Variants in DACH1 observed in about 807,000 individuals in gnomAD.
The protein encoded by DACH1 is dachshund family transcription factor 1.
DACH1 carries 12 observed loss-of-function variants against 54.2 expected under a neutral mutation model. The ratio of observed to expected loss-of-function variants is 0.22; its 90% CI spans 0.14 to 0.36. DACH1 has a LOEUF of 0.36. DACH1 is among the 10% of genes least tolerant of loss of function. DACH1 has a pLI of 1.00. For missense variants in DACH1, 805 were observed against 929.8 expected, an observed-to-expected ratio of 0.87 and a Z score of 1.75; for synonymous variants, 386 against 366.2, an observed-to-expected ratio of 1.05 and a Z score of -0.62.
At chr13:71,591,759 G>C (rs1449684573) in intron 3 of DACH1, among the ~76,000 whole-genome samples, 1 of 152,098 alleles carries the variant, frequency 6.6e-6, no homozygotes, top group African/African-American at 2.4e-5. Flanking sequence ...AAATACTGTA[G>C]TATCTGATGA....
chr13:71,479,426 C>A, intron 7 of DACH1, 110 bp from the exon 8 acceptor site: 1 of 1,044,010 alleles, frequency 9.6e-7, no homozygotes, highest in Non-Finnish European at 1.4e-6. Context: ...TGACCTAATT[C>A]TTTCGCATTC....
At chr13:71,779,218 C>T (rs57382977) in intron 1 of DACH1, among the ~76,000 whole-genome samples, 14 of 80,308 alleles carry the variant, frequency 1.7e-4, no homozygotes, top group Admixed American at 1.4e-3. Context: ...TATATATATA[C>T]GTATATACGT....
chr13:71,488,990 G>C lies in DACH1; in HGVS notation c.1722+7C>G, dbSNP rs764561395. 2.5e-6 allele frequency: 4 copies of C among 1,610,556 alleles called. No homozygotes were observed. The highest frequency in any genetic ancestry group is 1.3e-5 in the African/African-American group (1 of 74,572). On this transcript the variant is annotated splice_region_variant and intron_variant, in intron 7 of 10. Coordinates refer to ENST00000613252, the MANE Select transcript of DACH1 (RefSeq NM_080759.6). ...ATGTCTTTCTTCCAGGTTGTAAAAA[G>C]GCCTACCTGTATGTTAGTCAGAAGA...
intron 6 of DACH1, among the ~76,000 whole-genome samples, chr13:71,555,469 G>A (rs971273528): frequency 6.6e-6 from 1 of 151,038 alleles, no homozygotes; most frequent in Non-Finnish European, 1.5e-5. Flanking sequence ...TCAGCCTCCC[G>A]AGTAGTTGGG....
chr13:71,461,653 A>G (rs866519949), intron 10 of DACH1, among the ~76,000 whole-genome samples: 4 of 151,934 alleles, frequency 2.6e-5, no homozygotes, highest in African/African-American at 7.2e-5. Context: ...CATTCTTGCT[A>G]TCTTACATTT....
In DACH1 at chr13:71,475,284, T is replaced by G. The variant is rs958819887; in HGVS notation, c.2015-75A>C. 5.8e-6 allele frequency: 7 copies of G among 1,214,862 alleles called. No individual in the cohort carries two copies. In the African/African-American group the frequency reaches 1.1e-4, roughly 18 times the overall value. The allele number at this position is 1,214,862 out of a possible 1,614,324, so 75.3% of individuals were successfully genotyped here. A position where few individuals can be genotyped will look rare whatever the true frequency, so the allele number is the denominator to read the frequency against. On this transcript the variant is annotated intron_variant, in intron 9 of 10. Coordinates refer to ENST00000613252, the MANE Select transcript of DACH1 (RefSeq NM_080759.6). ...TGTCCTTTAAAAAAAAAGAGCAACC[T>G]GTTACTTTGGTGCTGAATTAAAATT... is the stretch of plus-strand genomic sequence containing the variant.
chr13:71,448,196 C>T (rs1036991055), intron 10 of DACH1, among the ~76,000 whole-genome samples: 16 of 152,194 alleles, frequency 1.1e-4, no homozygotes, highest in Admixed American at 5.9e-4. Context: ...CATGCAGATG[C>T]CTCACTCTTC....
chr13:71,467,999 A>T lies in DACH1; in HGVS notation c.2083+7142T>A, dbSNP rs147975169. Among the ~76,000 whole-genome samples the T allele has an allele frequency of 1.4e-4, 22 of 151,980 alleles. No individual in the cohort carries two copies. In the East Asian group the frequency reaches 4.3e-3, roughly 29 times the overall value. ...TGTTTGTTTGTTGTGTTTCTAAGAA[A>T]CCTCTCCTTCTCCCCCACATCCCCC... On this transcript the variant is annotated intron_variant, in intron 10 of 10. Coordinates refer to ENST00000613252, the MANE Select transcript of DACH1 (RefSeq NM_080759.6).
chr13:71,482,753 A>G lies in DACH1; in HGVS notation c.1723-3437T>C, dbSNP rs546464577. 6.9e-3 allele frequency among the ~76,000 whole-genome samples: 1,043 copies of G among 152,098 alleles called. 6 individuals are homozygous for G. The highest frequency in any genetic ancestry group is 0.011 in the Non-Finnish European group (729 of 67,992). ...TGGAATCAGGAACTTTTGTAGACCA[A>G]AAAACAAACAAATAATCAATAGTAC... is the stretch of plus-strand genomic sequence containing the variant. On this transcript the variant is annotated intron_variant, in intron 7 of 10. Transcript: ENST00000613252.
chr13:71,806,205 A>G (rs892572141), intron 1 of DACH1, among the ~76,000 whole-genome samples: 3 of 152,162 alleles, frequency 2.0e-5, no homozygotes, highest in Non-Finnish European at 4.4e-5. Flanking sequence ...CAAATCTTTC[A>G]TTTATTAAAA....
chr13:71,861,588 C>A (rs1464798505), intron 1 of DACH1, among the ~76,000 whole-genome samples: 7 of 151,912 alleles, frequency 4.6e-5, no homozygotes, highest in Non-Finnish European at 1.0e-4. Flanking sequence ...TGGAACCAAG[C>A]AAACTTTCAT....
chr13:71,523,399 T>C lies in DACH1; in HGVS notation c.1570+33625A>G, dbSNP rs1490955182. Among the ~76,000 whole-genome samples the C allele has an allele frequency of 4.6e-5, 7 of 152,232 alleles. No individual in the cohort carries two copies. In the East Asian group the frequency reaches 1.2e-3, roughly 25 times the overall value. ...TGAGGTGAGCTGCTAAAAGGGGCAG[T>C]CAACAAAAATGACTTAAAGGACAAA... On this transcript the variant is annotated intron_variant, in intron 6 of 10. Coordinates refer to ENST00000613252, the MANE Select transcript of DACH1 (RefSeq NM_080759.6).
intron 1 of DACH1, among the ~76,000 whole-genome samples, chr13:71,821,056 C>T (rs1317609142): frequency 6.6e-6 from 1 of 152,118 alleles, no homozygotes; most frequent in Non-Finnish European, 1.5e-5. Context: ...CAGGACTAAC[C>T]GGAAAAGTTC....
At chr13:71,563,959 T>C (rs1884753476) in intron 4 of DACH1, among the ~76,000 whole-genome samples, 1 of 151,930 alleles carries the variant, frequency 6.6e-6, no homozygotes. Context: ...ATAATTTCAA[T>C]CTTTGGAACC....
chr13:71,737,931 T>A (rs565386663), intron 1 of DACH1, among the ~76,000 whole-genome samples: 2 of 152,164 alleles, frequency 1.3e-5, no homozygotes, highest in Admixed American at 1.3e-4. Context: ...GGAAACAAGA[T>A]GAGTAACGCT....
intron 6 of DACH1, among the ~76,000 whole-genome samples, chr13:71,499,761 T>A (rs1183249064): frequency 6.6e-6 from 1 of 152,172 alleles, no homozygotes; most frequent in East Asian, 1.9e-4. Flanking sequence ...TAATCTACTT[T>A]AAAGTCTGCG....
chr13:71,857,012 G>T (rs1874045321), intron 1 of DACH1, among the ~76,000 whole-genome samples: 1 of 151,768 alleles, frequency 6.6e-6, no homozygotes, highest in Non-Finnish European at 1.5e-5. Context: ...GGCTCTAAGT[G>T]CAAGAAGCAA....
intron 1 of DACH1, among the ~76,000 whole-genome samples, chr13:71,793,019 C>G (rs982378107): frequency 1.3e-5 from 2 of 152,136 alleles, no homozygotes; most frequent in Non-Finnish European, 2.9e-5. Context: ...GTGGTAGCCT[C>G]TTTCAATTCA....
At chr13:71,753,336 A>AT (rs760138703) in intron 1 of DACH1, among the ~76,000 whole-genome samples, 19 of 152,306 alleles carry the variant, frequency 1.2e-4, no homozygotes, top group Middle Eastern at 3.4e-3. Context: ...TACACAGTGT[A>AT]TTACAGATGA....
Sources: allele counts gnomAD v4.1 joint callset (sites outside exome capture counted in the v4.1 genomes callset), GRCh38; gene constraint gnomAD v4.1.1; transcripts MANE v1.5; gene names NCBI Gene and HGNC (gene_info 2026-07-23, HGNC 2026-07-21).